Variants in MMP16 observed in about 807,000 individuals in gnomAD.
MMP16 encodes matrix metalloproteinase-16.
A neutral mutation model predicts 67.8 loss-of-function variants in MMP16; 12 were observed. The observed-to-expected ratio is 0.18, with a 90% confidence interval of 0.11 to 0.29. The LOEUF (loss-of-function observed/expected upper bound fraction) is 0.29, where lower values mean the gene tolerates loss of function less well. MMP16 is among the 10% of genes least tolerant of loss of function. The pLI, the probability that MMP16 is intolerant of heterozygous loss-of-function variation, is 1.00. For synonymous variants in MMP16, 249 were observed against 255.9 expected, an observed-to-expected ratio of 0.97 and a Z score of 0.26; for missense variants, 475 against 765.7, an observed-to-expected ratio of 0.62 and a Z score of 4.48.
chr8:88,046,598 G>T, intron 9 of MMP16, 71 bp downstream of exon 9: 2 of 913,356 alleles, frequency 2.2e-6, no homozygotes, highest in African/African-American at 1.7e-5. Context: ...GCTTAATTTA[G>T]CAGAGTGAAA....
chr8:88,161,341 G>T (rs1040776458), intron 4 of MMP16, among the ~76,000 whole-genome samples: 2 of 152,172 alleles, frequency 1.3e-5, no homozygotes, highest in African/African-American at 4.8e-5. Flanking sequence ...GCGTAGAGGT[G>T]TTTATAGTAT....
rs28907599 is a variant in MMP16 at position 88,140,971 on chromosome 8, T to C, written c.710-22110A>G. 1.3e-3 allele frequency among the ~76,000 whole-genome samples: 203 copies of C among 152,314 alleles called. 2 individuals are homozygous for C. The highest frequency in any genetic ancestry group is 4.2e-3 in the African/African-American group (174 of 41,586). On this transcript the variant is annotated intron_variant, in intron 4 of 9. Transcript: ENST00000286614. ...TATCATTAGGATCAAATTTGAATAC[T>C]AGTCCTTCCCAGTTTATCAATAAAA...
chr8:88,249,407 G>A (rs1360085456), intron 1 of MMP16, among the ~76,000 whole-genome samples: 1 of 152,008 alleles, frequency 6.6e-6, no homozygotes, highest in East Asian at 1.9e-4. Flanking sequence ...AAAGGAAGCA[G>A]GGTAATGGTT....
At chr8:88,095,791 G>T (rs1809016352) in intron 6 of MMP16, among the ~76,000 whole-genome samples, 1 of 151,780 alleles carries the variant, frequency 6.6e-6, no homozygotes, top group Non-Finnish European at 1.5e-5. Context: ...GCATTCAAAA[G>T]ACTTCCCAAA....
intron 3 of MMP16, among the ~76,000 whole-genome samples, chr8:88,181,481 G>C (rs1021419160): frequency 5.9e-5 from 9 of 151,648 alleles, no homozygotes; most frequent in Admixed American, 3.9e-4. Context: ...ATCAAAATAT[G>C]CATATGAGGA....
chr8:88,288,475 A>C (rs1181624667), intron 1 of MMP16, among the ~76,000 whole-genome samples: 1 of 152,204 alleles, frequency 6.6e-6, no homozygotes, highest in African/African-American at 2.4e-5. Context: ...ACCTCATACA[A>C]GAGGTTGATT....
intron 1 of MMP16, among the ~76,000 whole-genome samples, chr8:88,202,945 TGTCATGTGA>T (rs199738582): frequency 0.026 from 3,923 of 152,178 alleles, 68 homozygotes; most frequent in Non-Finnish European, 0.037. Flanking sequence ...TACTTGAGTC[TGTCATGTGA>T]GTCACAGACT....
chr8:88,151,661 C>A (rs1176496933), intron 4 of MMP16, among the ~76,000 whole-genome samples: 1 of 149,184 alleles, frequency 6.7e-6, no homozygotes, highest in Admixed American at 6.7e-5. Context: ...TTCTTTGAAA[C>A]CAACGAGAAC....
At chr8:88,269,039 G>A (rs1442711798) in intron 1 of MMP16, among the ~76,000 whole-genome samples, 2 of 152,066 alleles carry the variant, frequency 1.3e-5, no homozygotes, top group Non-Finnish European at 2.9e-5. Flanking sequence ...GAAGCACTCA[G>A]TTTTATATAT....
chr8:88,197,072 G>T, intron 2 of MMP16, 86 bp downstream of exon 2: 1 of 1,261,920 alleles, frequency 7.9e-7, no homozygotes, highest in Non-Finnish European at 1.1e-6. Flanking sequence ...CTCCATTTCT[G>T]GTTGGTGGAG....
At chr8:88,076,371 T>C (rs1468364341) in intron 6 of MMP16, among the ~76,000 whole-genome samples, 2 of 152,194 alleles carry the variant, frequency 1.3e-5, no homozygotes, top group African/African-American at 4.8e-5. Context: ...ACGAGTTATC[T>C]ACTTTCCCTC....
intron 1 of MMP16, among the ~76,000 whole-genome samples, chr8:88,250,113 T>A (rs773876373): frequency 3.2e-4 from 49 of 152,082 alleles, no homozygotes; most frequent in Non-Finnish European, 3.7e-4. Context: ...AGAACTCTTA[T>A]CCCATTTGTA....
chr8:88,167,099 C>CAGG (rs1808726865), intron 4 of MMP16, among the ~76,000 whole-genome samples: 1 of 152,002 alleles, frequency 6.6e-6, no homozygotes, highest in Admixed American at 6.6e-5. Context: ...GTAATCCCAG[C>CAGG]TACTCAGGAG....
chr8:88,047,230 T>G (rs1808210761), intron 8 of MMP16, among the ~76,000 whole-genome samples: 1 of 152,188 alleles, frequency 6.6e-6, no homozygotes, highest in Non-Finnish European at 1.5e-5. Context: ...GAATCTTGAT[T>G]TATTTATTCA....
chr8:88,047,112 T>C (rs1260158526), intron 8 of MMP16, among the ~76,000 whole-genome samples: 2 of 152,234 alleles, frequency 1.3e-5, no homozygotes, highest in African/African-American at 2.4e-5. Flanking sequence ...AGTATATTTA[T>C]AGTTCATAAG....
intron 1 of MMP16, among the ~76,000 whole-genome samples, chr8:88,254,704 A>G (rs1233932452): frequency 6.6e-6 from 1 of 152,186 alleles, no homozygotes; most frequent in Non-Finnish European, 1.5e-5. Context: ...AAATAAGATA[A>G]ACCTGAGAAA....
intron 6 of MMP16, among the ~76,000 whole-genome samples, chr8:88,108,391 C>T (rs1289619053): frequency 1.3e-5 from 2 of 151,234 alleles, no homozygotes; most frequent in Non-Finnish European, 3.0e-5. Context: ...TTTAACATTC[C>T]TGCTCACCCA....
chr8:88,312,610 A>C (rs538349178), intron 1 of MMP16, among the ~76,000 whole-genome samples: 2 of 152,226 alleles, frequency 1.3e-5, no homozygotes, highest in South Asian at 2.1e-4. Context: ...CTTCCCTCCC[A>C]GCCCTCCTGC....
At chr8:88,102,621 G>A (rs1256869790) in intron 6 of MMP16, among the ~76,000 whole-genome samples, 1 of 151,742 alleles carries the variant, frequency 6.6e-6, no homozygotes, top group Non-Finnish European at 1.5e-5. Flanking sequence ...AAGGAGTGGG[G>A]TTGAAAGTCT....
Sources: allele counts gnomAD v4.1 joint callset (sites outside exome capture counted in the v4.1 genomes callset), GRCh38; gene constraint gnomAD v4.1.1; transcripts MANE v1.5; gene names NCBI Gene and HGNC (gene_info 2026-07-23, HGNC 2026-07-21).